The following OGG1 variants were observed in gnomAD, a reference collection of about 807,000 sequenced individuals.
The protein encoded by OGG1 is 8-oxoguanine DNA glycosylase, also known as N-glycosylase/DNA lyase.
In OGG1, 35 loss-of-function variants were observed where a neutral mutation model predicts 42.3. The observed-to-expected ratio is 0.83, with a 90% CI of 0.63 to 1.10. The LOEUF (loss-of-function observed/expected upper bound fraction) is 1.10. OGG1 is among the 50% of genes least tolerant of loss of function. The pLI, the probability that OGG1 is intolerant of heterozygous loss-of-function variation, is 0.00. For missense variants in OGG1, 484 were observed against 446.7 expected, an observed-to-expected ratio of 1.08 and a Z score of -0.75; for synonymous variants, 189 against 179.0, an observed-to-expected ratio of 1.06 and a Z score of -0.44.
chr3:9,787,761 A>G (rs2078650433), exon 4 of OGG1: 1 of 1,240,786 alleles, frequency 8.1e-7, no homozygotes, highest in Admixed American at 2.3e-5. Flanking sequence ...AGTGAAGTGA[A>G]AGAGAGAGAT....
chr3:9,773,532 G>A (rs2078328285), intron 2 of OGG1, among the ~76,000 whole-genome samples: 1 of 151,810 alleles, frequency 6.6e-6, no homozygotes, highest in South Asian at 2.1e-4. Flanking sequence ...GACAGAGCGA[G>A]ACTCCGTCTC....
chr3:9,750,359 T>A lies in OGG1; in HGVS notation c.73T>A (p.Ser25Thr). The A allele has an allele frequency of 1.9e-6, 3 of 1,614,028 alleles. No homozygotes were observed. Among genetic ancestry groups the A allele is most frequent in the Non-Finnish European group, 2.5e-6 (3 of 1,180,012 alleles). Residue 25 changes from serine (S) to threonine (T), a missense_variant, in exon 1 of 7, where the codon TCC (serine) becomes ACC (threonine). Transcript: ENST00000344629. ...AGCCTCCACTCCTGCCCTGTGGGCC[T>A]CCATCCCGTGCCCTCGCTCTGAGCT... ...TLASTPALWA[S>T]IPCPRSELRL...
At chr3:9,761,852 A>T, downstream of OGG1, 1 of 1,524,816 alleles carries the variant, frequency 6.6e-7, no homozygotes, top group Non-Finnish European at 8.8e-7. Flanking sequence ...GAAATAATGG[A>T]TCCCCAAAAG....
chr3:9,784,117 C>G, intron 3 of OGG1: 1 of 1,614,194 alleles, frequency 6.2e-7, no homozygotes. Context: ...GGACCTCATC[C>G]TCGGAGTCCT....
chr3:9,774,395 C>A (rs2078338438), intron 2 of OGG1, among the ~76,000 whole-genome samples: 1 of 130,612 alleles, frequency 7.7e-6, no homozygotes, highest in Non-Finnish European at 1.6e-5. Flanking sequence ...AATGACAGAG[C>A]CAGACTCTGT....
At chr3:9,782,790 CAA>C (rs36123956) in intron 3 of OGG1, among the ~76,000 whole-genome samples, 14 of 119,976 alleles carry the variant, frequency 1.2e-4, no homozygotes, top group African/African-American at 1.0e-4. Context: ...GACACCGTCT[CAA>C]AAAAAAAAAA....
chr3:9,781,270 C>A (rs2078454854), intron 2 of OGG1, among the ~76,000 whole-genome samples: 1 of 152,060 alleles, frequency 6.6e-6, no homozygotes. Context: ...CAGAGTAAGA[C>A]CCTGTCTCTA....
downstream of OGG1, among the ~76,000 whole-genome samples, chr3:9,768,356 C>G (rs2078213886): frequency 6.6e-6 from 1 of 152,252 alleles, no homozygotes; most frequent in Admixed American, 6.5e-5. Context: ...CCAGACCTCT[C>G]CCTCCTGACT....
intron 2 of OGG1, among the ~76,000 whole-genome samples, chr3:9,779,476 A>G (rs182205202): frequency 6.6e-6 from 1 of 150,860 alleles, no homozygotes; most frequent in East Asian, 2.0e-4. Context: ...GACACTGTGG[A>G]GGGCAGTGTG....
At chr3:9,783,929 C>T in intron 3 of OGG1, 1 of 1,441,190 alleles carries the variant, frequency 6.9e-7, no homozygotes, top group Non-Finnish European at 9.2e-7. Context: ...AGAGGCCAGC[C>T]AGGATTGGAA....
intron 2 of OGG1, among the ~76,000 whole-genome samples, chr3:9,776,429 A>G (rs1386947967): frequency 1.2e-3 from 131 of 109,284 alleles, no homozygotes; most frequent in African/African-American, 4.0e-3. Context: ...TCGCTCTGTT[A>G]CCCAGGCTGG....
intron 2 of OGG1, among the ~76,000 whole-genome samples, chr3:9,778,467 C>G (rs910805496): frequency 1.3e-5 from 2 of 152,196 alleles, no homozygotes; most frequent in Admixed American, 1.3e-4. Context: ...CCAAAAGAAG[C>G]CTTTGTGGGC....
At chr3:9,775,248 C>A (rs57081507) in intron 2 of OGG1, among the ~76,000 whole-genome samples, 31,352 of 151,352 alleles carry the variant, frequency 0.21, 3,687 homozygotes, top group East Asian at 0.56. Flanking sequence ...CAAAAAAAAA[C>A]CCCAAAAAAA....
Position 9,751,890 on chromosome 3 carries a change from G to A in OGG1, c.506G>A (p.Arg169Gln), listed in dbSNP as rs768571461. 16 of 1,614,010 alleles carry A rather than the reference G, an allele frequency of 9.9e-6. No homozygotes were observed. Among genetic ancestry groups the A allele is most frequent in the East Asian group, 2.2e-5 (1 of 44,902 alleles). ...VERLCQAFGP[R>Q]LIQLDDVTYH... The stretch of plus-strand genomic sequence containing the variant: ...CGGCTGTGCCAGGCTTTTGGACCTC[G>A]GCTCATCCAGCTTGATGATGTCACC... Residue 169 changes from arginine (R) to glutamine (Q), a missense_variant, in exon 3 of 7, where the codon CGG becomes CAG. By Grantham distance (43) the Arg-to-Gln change is conservative. Coordinates refer to ENST00000344629, the MANE Select transcript of OGG1 (RefSeq NM_002542.6).
chr3:9,750,860 A>G (rs2077268317), intron 1 of OGG1, 85 bp from the exon 2 acceptor site: 3 of 1,494,528 alleles, frequency 2.0e-6, no homozygotes, highest in Non-Finnish European at 2.8e-6. Flanking sequence ...AGTTTCGTAC[A>G]TGGAGCTATT....
chr3:9,759,556 G>C, downstream of OGG1: 1 of 1,614,142 alleles, frequency 6.2e-7, no homozygotes, highest in Non-Finnish European at 8.5e-7. Context: ...TTCTTATCTA[G>C]AGCTGTATCT....
At chr3:9,762,234 T>C (rs2077910325), downstream of OGG1, 1 of 156,072 alleles carries the variant, frequency 6.4e-6, no homozygotes, top group Non-Finnish European at 1.4e-5. Context: ...CGGATTGAGA[T>C]GTACTGCTAA....
chr3:9,757,248 C>T lies in OGG1; in HGVS notation c.*98C>T, dbSNP rs1438083496. The T allele has an allele frequency of 1.9e-5, 31 of 1,613,928 alleles. No individual in the cohort carries two copies. The highest frequency in any genetic ancestry group is 2.6e-5 in the Non-Finnish European group (31 of 1,179,974). On this transcript the variant is annotated 3_prime_UTR_variant, in exon 7 of 7. Coordinates refer to ENST00000344629, the MANE Select transcript of OGG1 (RefSeq NM_002542.6). The surrounding 1 kb of genome is among the most constrained non-coding windows in gnomAD (Gnocchi z 4.5). ...ACCCAGTCTCATGTTGGGGAGGGGC[C>T]TCCCTGTGACTACCTCAAAGGCCAG...
intron 2 of OGG1, chr3:9,780,524 G>A (rs766659888): frequency 1.2e-6 from 2 of 1,605,224 alleles, no homozygotes; most frequent in Non-Finnish European, 1.7e-6. Flanking sequence ...CTCAGCTCCT[G>A]CCGGCTCACC....
Sources: allele counts gnomAD v4.1 joint callset (sites outside exome capture counted in the v4.1 genomes callset), GRCh38; gene constraint gnomAD v4.1.1; non-coding constraint Gnocchi (gnomAD v3.1); transcripts MANE v1.5; gene names NCBI Gene and HGNC (gene_info 2026-07-23, HGNC 2026-07-21).